Variants in DNAJC10 observed in about 807,000 individuals in gnomAD.
DNAJC10 encodes the protein endoplasmic reticulum disulfide reductase DNAJC10.
A neutral mutation model predicts 115.0 loss-of-function variants in DNAJC10; 101 were observed. The observed-to-expected ratio is 0.88, with a 90% confidence interval of 0.75 to 1.04. The LOEUF is 1.04. DNAJC10 is among the 50% of genes least tolerant of loss of function. The pLI is 0.00. For missense variants in DNAJC10, 981 were observed against 928.8 expected (o/e 1.06, Z -0.73); for synonymous variants, 307 against 301.5 (o/e 1.02, Z -0.19).
Position 182,728,909 on chromosome 2 carries a change from C to T in DNAJC10, c.548C>T (p.Ala183Val). ...GTGGATGGGTTACTTCGAATTGGAG[C>T]TGTTAACTGTGGTGATGATAGAATG... ...KEVDGLLRIGAVNCGDDRMLC... is the reference protein window; with the variant it reads ...KEVDGLLRIGVVNCGDDRMLC... The change falls in exon 7 of 24, where the codon GCT becomes GTT. Residue 183 changes from alanine (A) to valine (V), a missense_variant. By Grantham distance (64) the Ala-to-Val change is moderately conservative. Transcript: ENST00000264065. 6.2e-7 allele frequency: 1 copy of T among 1,613,956 alleles called. No homozygotes were observed. Among genetic ancestry groups the T allele is most frequent in the Non-Finnish European group, 8.5e-7 (1 of 1,179,908 alleles).
intron 22 of DNAJC10, among the ~76,000 whole-genome samples, chr2:182,769,018 C>G (rs1034787491): frequency 6.6e-6 from 1 of 152,050 alleles, no homozygotes; most frequent in Non-Finnish European, 1.5e-5. Context: ...ATGTTCCCCC[C>G]ACTGTGTCCA....
intron 14 of DNAJC10, among the ~76,000 whole-genome samples, chr2:182,750,394 A>G (rs1225314834): frequency 6.6e-6 from 1 of 152,198 alleles, no homozygotes; most frequent in African/African-American, 2.4e-5. Context: ...GGGCAGAGAA[A>G]GAAGTCAAGG....
chr2:182,742,229 G>T (rs1243522081), intron 13 of DNAJC10, among the ~76,000 whole-genome samples: 1 of 152,130 alleles, frequency 6.6e-6, no homozygotes, highest in African/African-American at 2.4e-5. Context: ...CTGTCACCCA[G>T]GCTGGAGTTC....
chr2:182,744,508 G>T (rs1693814272), intron 14 of DNAJC10, among the ~76,000 whole-genome samples: 1 of 152,158 alleles, frequency 6.6e-6, no homozygotes, highest in African/African-American at 2.4e-5. Context: ...TCAAGAAGTG[G>T]TATTTGAATT....
chr2:182,720,677 TAAC>T (rs145622330), intron 4 of DNAJC10, among the ~76,000 whole-genome samples: 3,959 of 152,222 alleles, frequency 0.026, 72 homozygotes, highest in East Asian at 0.1. Context: ...CAAAATTCCC[TAAC>T]AACACATTTC....
At chr2:182,734,661 T>C (rs1347093246) in intron 10 of DNAJC10, among the ~76,000 whole-genome samples, 1 of 151,870 alleles carries the variant, frequency 6.6e-6, no homozygotes, top group African/African-American at 2.4e-5. Flanking sequence ...TGAGAGAGTG[T>C]CTTAATATCC....
intron 14 of DNAJC10, among the ~76,000 whole-genome samples, chr2:182,747,234 G>A (rs1256461433): frequency 1.3e-5 from 2 of 151,030 alleles, no homozygotes; most frequent in Non-Finnish European, 3.0e-5. Context: ...GGTTCCATAT[G>A]AACTTTAAAG....
chr2:182,739,430 C>T (rs986195920), intron 11 of DNAJC10: 8 of 718,698 alleles, frequency 1.1e-5, no homozygotes, highest in Non-Finnish European at 1.2e-5. Flanking sequence ...TCAAGTAATA[C>T]TTAAACTGTT....
chr2:182,768,297 A>T (rs752711282), intron 22 of DNAJC10, among the ~76,000 whole-genome samples: 1 of 152,156 alleles, frequency 6.6e-6, no homozygotes, highest in Non-Finnish European at 1.5e-5. Context: ...TAGCTGAGAG[A>T]TGGGTGACAT....
chr2:182,730,415 G>GA, intron 8 of DNAJC10: 2 of 284,494 alleles, frequency 7.0e-6, no homozygotes, highest in Non-Finnish European at 1.4e-5. Flanking sequence ...TTACGTGTCA[G>GA]AAACTATTAA....
intron 9 of DNAJC10, 73 bp from the exon 10 acceptor site, chr2:182,732,426 G>C (rs1233321539): frequency 4.2e-6 from 6 of 1,432,082 alleles, no homozygotes; most frequent in Non-Finnish European, 5.9e-6. Context: ...TAATTTGGGG[G>C]AAAGGCAAAT....
chr2:182,758,062 A>G (rs934547996), intron 19 of DNAJC10, among the ~76,000 whole-genome samples: 1 of 152,200 alleles, frequency 6.6e-6, no homozygotes, highest in Non-Finnish European at 1.5e-5. Context: ...GCTAACATTT[A>G]TTAAGTCCTT....
chr2:182,767,880 G>A (rs986157573), intron 22 of DNAJC10, among the ~76,000 whole-genome samples: 17 of 152,006 alleles, frequency 1.1e-4, no homozygotes, highest in Admixed American at 5.9e-4. Flanking sequence ...ACTACACTCC[G>A]TATCCTGTTT....
At position 182,718,220 on chromosome 2, in the gene DNAJC10, C is replaced by T. The variant is rs373934752; in HGVS notation, c.134C>T (p.Thr45Ile). Residue 45 changes from threonine (T) to isoleucine (I), a missense_variant, in exon 3 of 24, where the codon ACT becomes ATT. Transcript: ENST00000264065. ...TACAGTTTACTTGGAGTGTCCAAAA[C>T]TGCAAGCAGTAGAGAAATAAGACAA... ...DFYSLLGVSKTASSREIRQAF... is the reference protein window; with the variant it reads ...DFYSLLGVSKIASSREIRQAF... The T allele has an allele frequency of 4.5e-5, 72 of 1,613,284 alleles. No individual in the cohort carries two copies. Among genetic ancestry groups the T allele is most frequent in the Non-Finnish European group, 5.8e-5 (69 of 1,179,784 alleles).
chr2:182,751,163 A>T (rs143200127), intron 14 of DNAJC10, among the ~76,000 whole-genome samples: 18 of 89,980 alleles, frequency 2.0e-4, no homozygotes, highest in Non-Finnish European at 2.8e-4. Context: ...TTTGAAATGG[A>T]GTCTCACTCT....
chr2:182,735,985 A>G (rs1367212118), intron 10 of DNAJC10, among the ~76,000 whole-genome samples: 1 of 152,114 alleles, frequency 6.6e-6, no homozygotes, highest in Admixed American at 6.6e-5. Context: ...GGATTCGTAG[A>G]AAGAATTATA....
At chr2:182,720,455 A>G (rs1389517914) in intron 4 of DNAJC10, among the ~76,000 whole-genome samples, 1 of 152,188 alleles carries the variant, frequency 6.6e-6, no homozygotes, top group African/African-American at 2.4e-5. Context: ...TCACTTAACA[A>G]TGGATTGTAT....
chr2:182,734,133 A>G (rs1165846173), intron 10 of DNAJC10, among the ~76,000 whole-genome samples: 1 of 147,728 alleles, frequency 6.8e-6, no homozygotes, highest in Non-Finnish European at 1.5e-5. Flanking sequence ...TGACTTAAGC[A>G]CTATATTTCC....
intron 18 of DNAJC10, 133 bp from the exon 19 acceptor site, chr2:182,757,558 CT>C: frequency 1.7e-6 from 1 of 602,516 alleles, no homozygotes; most frequent in Non-Finnish European, 2.6e-6. Flanking sequence ...ATGTTAAACC[CT>C]TATCCATTTT....
Sources: allele counts gnomAD v4.1 joint callset (sites outside exome capture counted in the v4.1 genomes callset), GRCh38; gene constraint gnomAD v4.1.1; transcripts MANE v1.5; gene names NCBI Gene and HGNC (gene_info 2026-07-23, HGNC 2026-07-21).